POLK: variants seen among roughly 807,000 people sequenced by gnomAD.
POLK encodes the protein polymerase (DNA directed) kappa.
A neutral mutation model predicts 94.0 loss-of-function variants in POLK; 76 were observed. The observed-to-expected ratio is 0.81, with a 90% confidence interval of 0.67 to 0.98. The LOEUF is 0.98. Ranked by LOEUF, POLK falls within the 50% of genes least tolerant of loss-of-function variation. The probability of loss-of-function intolerance (pLI) is 0.00; values close to 1 mark genes in which losing one functional copy is unlikely to be tolerated. For synonymous variants in POLK, 349 were observed against 325.4 expected, an observed-to-expected ratio of 1.07 and a Z score of -0.78; for missense variants, 954 against 1,010.1, an observed-to-expected ratio of 0.94 and a Z score of 0.75.
At chr5:75,605,736 C>G (rs1773407096), downstream of POLK, among the ~76,000 whole-genome samples, 2 of 152,162 alleles carry the variant, frequency 1.3e-5, no homozygotes, top group Non-Finnish European at 2.9e-5. Flanking sequence ...GATAGGGAGT[C>G]TAACAGGTTA....
chr5:75,571,933 T>C (rs1771620463), intron 4 of POLK, among the ~76,000 whole-genome samples: 1 of 152,228 alleles, frequency 6.6e-6, no homozygotes, highest in African/African-American at 2.4e-5. Context: ...CCATTGGTTT[T>C]GTTTCTAGTG....
At chr5:75,583,259 C>T (rs778824827) in intron 7 of POLK, 34 bp from the exon 8 acceptor site, 14 of 1,514,030 alleles carry the variant, frequency 9.2e-6, no homozygotes, top group East Asian at 7.1e-5. Context: ...TACATATCAA[C>T]TTCTTTGAGT....
chr5:75,532,906 GT>G (rs1769251746), intron 1 of POLK, among the ~76,000 whole-genome samples: 3 of 152,094 alleles, frequency 2.0e-5, no homozygotes. Context: ...ATTTGTTCAT[GT>G]TTTTGCCCAC....
chr5:75,572,697 A>G (rs906630031), intron 4 of POLK, among the ~76,000 whole-genome samples: 12 of 152,304 alleles, frequency 7.9e-5, no homozygotes, highest in African/African-American at 2.6e-4. Flanking sequence ...CATTATAAAT[A>G]TAGGGATAGT....
chr5:75,511,651 T>C (rs1212067267), upstream of POLK: 1 of 1,508,260 alleles, frequency 6.6e-7, no homozygotes, highest in African/African-American at 1.4e-5. Flanking sequence ...CCCTGTCCTT[T>C]CCCCTCCCCT....
At chr5:75,511,639 T>C (rs1189731031), upstream of POLK, 3 of 1,484,974 alleles carry the variant, frequency 2.0e-6, no homozygotes, top group Non-Finnish European at 2.7e-6. Context: ...TACCCTCCCC[T>C]CCCCTGTCCT....
At chr5:75,549,502 A>G (rs1475802960) in intron 2 of POLK, among the ~76,000 whole-genome samples, 1 of 151,968 alleles carries the variant, frequency 6.6e-6, no homozygotes, top group East Asian at 1.9e-4. Flanking sequence ...CTTTGCTTTC[A>G]TATAAATTTT....
chr5:75,600,592 A>T (rs1428104175), exon 15 of POLK: 1 of 152,178 alleles, frequency 6.6e-6, no homozygotes, highest in Admixed American at 6.5e-5. Context: ...GCCAAGAAAA[A>T]AATTTTTTAA....
chr5:75,511,316 C>T (rs1224142380), upstream of POLK: 70 of 1,549,894 alleles, frequency 4.5e-5, no homozygotes, highest in Non-Finnish European at 6.0e-5. Context: ...CGAAGAGTGC[C>T]CGCTCCGGTG....
At chr5:75,516,237 A>C (rs530624188) in intron 1 of POLK, among the ~76,000 whole-genome samples, 1 of 152,222 alleles carries the variant, frequency 6.6e-6, no homozygotes, top group East Asian at 1.9e-4. Flanking sequence ...GATATAATCT[A>C]ATTTGTCTAC....
rs554680164 is a variant in POLK, at chr5:75,587,171, A to G, written c.1259+113A>G. The G allele has an allele frequency of 9.1e-4, 601 of 658,864 alleles. 16 individuals are homozygous for G. The South Asian group carries it at 0.011, about 12-fold the overall frequency. 40.8% of individuals were successfully genotyped at this position (658,864 alleles called of 1,614,324 possible). ...ATAAGAAATCTATTTGCAAATTACT[A>G]TAACAGTTTTTAGTAGTTTACACTC... On this transcript the variant is annotated intron_variant, in intron 10 of 14. Coordinates refer to ENST00000241436, the Ensembl canonical transcript of POLK.
chr5:75,536,308 G>A (rs1769443365), intron 1 of POLK, among the ~76,000 whole-genome samples: 4 of 152,142 alleles, frequency 2.6e-5, no homozygotes, highest in Admixed American at 2.6e-4. Flanking sequence ...TCAGTTGGCA[G>A]AGAGGCTGCA....
At chr5:75,584,772 G>A (rs1772375829) in exon 9 of POLK, 2 of 1,537,632 alleles carry the variant, frequency 1.3e-6, no homozygotes, top group Non-Finnish European at 1.8e-6. Context: ...TTCTGGAATA[G>A]GAAAAGTTAC....
chr5:75,602,219 GTGAC>G (rs1158641127), downstream of POLK, among the ~76,000 whole-genome samples: 1 of 152,188 alleles, frequency 6.6e-6, no homozygotes, highest in Non-Finnish European at 1.5e-5. Context: ...CATCACCCAT[GTGAC>G]TGACCTTACC....
chr5:75,558,238 T>G (rs186825439), intron 3 of POLK, among the ~76,000 whole-genome samples: 13 of 151,866 alleles, frequency 8.6e-5, no homozygotes, highest in South Asian at 6.2e-4. Flanking sequence ...TGTTGTTGTT[T>G]TTTTTTTTTG....
chr5:75,551,871 A>G (rs987497838), intron 2 of POLK, among the ~76,000 whole-genome samples: 14 of 152,218 alleles, frequency 9.2e-5, no homozygotes, highest in African/African-American at 3.4e-4. Context: ...CTAGTTACCT[A>G]CCTGAGAGAA....
chr5:75,522,984 T>C (rs970803186), intron 1 of POLK, among the ~76,000 whole-genome samples: 1 of 152,186 alleles, frequency 6.6e-6, no homozygotes, highest in Non-Finnish European at 1.5e-5. Flanking sequence ...TGGTATATAA[T>C]GACTAATGTA....
chr5:75,589,595 C>G (rs1419716474), intron 10 of POLK, among the ~76,000 whole-genome samples: 3 of 152,012 alleles, frequency 2.0e-5, no homozygotes, highest in African/African-American at 7.3e-5. Flanking sequence ...GGACTACAGG[C>G]GCCCGTATAC....
At chr5:75,605,112 T>TACACACACAC (rs1466481997), downstream of POLK, among the ~76,000 whole-genome samples, 2 of 77,298 alleles carry the variant, frequency 2.6e-5, no homozygotes, top group African/African-American at 1.2e-4. Flanking sequence ...CTTTCCTGTA[T>TACACACACAC]ACACATACAC....
Sources: gnomAD v4.1 joint callset for allele counts (sites outside exome capture counted in the v4.1 genomes callset) on GRCh38, gnomAD v4.1.1 for gene constraint, MANE v1.5 for transcripts, NCBI Gene and HGNC (gene_info 2026-07-23, HGNC 2026-07-21) for gene names.